The following DACT2 variants were observed in gnomAD, a reference collection of about 807,000 sequenced individuals.
The protein encoded by DACT2 is dapper homolog 2.
DACT2 carries 20 observed loss-of-function variants against 22.2 expected under a neutral mutation model. The ratio of observed to expected loss-of-function variants is 0.90; its 90% CI spans 0.63 to 1.31. The LOEUF (loss-of-function observed/expected upper bound fraction) is 1.31. Among genes scored for constraint, DACT2 ranks in the 50% most tolerant of loss-of-function variants. The pLI is 0.00. For synonymous variants in DACT2, 463 were observed against 479.8 expected, an observed-to-expected ratio of 0.96 and a Z score of 0.46; for missense variants, 1,048 against 1,061.4, an observed-to-expected ratio of 0.99 and a Z score of 0.18.
intron 3 of DACT2, chr6:168,297,922 C>A (rs1779035056): frequency 1.3e-5 from 2 of 152,208 alleles, no homozygotes; most frequent in Non-Finnish European, 2.9e-5. Flanking sequence ...CGTGTCCCAG[C>A]CCCTGGTGAG....
rs1278280445 is a variant in DACT2 at position 168,308,411 on chromosome 6, G to A, written c.1346C>T (p.Thr449Ile). 6.4e-7 allele frequency: 1 copy of A among 1,551,824 alleles called. No individual in the cohort carries two copies. Among genetic ancestry groups the A allele is most frequent in the Non-Finnish European group, 8.7e-7 (1 of 1,147,016 alleles). The change falls in exon 4 of 4, where the codon ACA becomes ATA. Residue 449 changes from threonine to isoleucine, a missense_variant. Coordinates refer to ENST00000366795, the MANE Select transcript of DACT2 (RefSeq NM_214462.5). ...QASPSSKAQQ[T>I]PSAQDYGRGN... The stretch of plus-strand genomic sequence containing the variant: ...TCGTCCATAGTCCTGAGCTGAGGGT[G>A]TCTGCTGGGCCTTTGAGCTGGGAGA...
downstream of DACT2, among the ~76,000 whole-genome samples, chr6:168,306,753 G>GCTTT (rs1253091104): frequency 6.6e-6 from 1 of 152,080 alleles, no homozygotes; most frequent in African/African-American, 2.4e-5. Context: ...CCCGGCCTAT[G>GCTTT]CTTTACTTTT....
Position 168,294,678 on chromosome 6 carries a change from C to G in DACT2, c.685G>C (p.Asp229His), listed in dbSNP as rs1285276972. 2.0e-6 allele frequency: 3 copies of G among 1,489,510 alleles called. No individual in the cohort carries two copies. The South Asian group carries it at 3.9e-5, about 19-fold the overall frequency. 92.3% of individuals were successfully genotyped at this position (1,489,510 alleles called of 1,614,324 possible). Residue 229 changes from aspartate (D) to histidine (H), a missense_variant, in exon 4 of 6, where the codon GAC (aspartate) becomes CAC (histidine). Asp to His is a moderately conservative substitution (Grantham distance 81). Coordinates refer to the DACT2 transcript ENST00000366796. ...CAGCCTGCAGGCGGAGCATGCATGTCAAGTTCACCTGGAGCATTGCACAGC... is the reference window on the plus strand; with the variant it reads ...CAGCCTGCAGGCGGAGCATGCATGTGAAGTTCACCTGGAGCATTGCACAGC...
At position 168,307,264 on chromosome 6, in the gene DACT2, C is replaced by T. The variant is rs1035154687; in HGVS notation, c.*168G>A. 3.4e-5 allele frequency: 48 copies of T among 1,410,298 alleles called. No individual in the cohort carries two copies. The Admixed American group carries it at 5.6e-4, about 16-fold the overall frequency. The allele number at this position is 1,410,298 out of a possible 1,614,324, so 87.4% of individuals were successfully genotyped here. On this transcript the variant is annotated 3_prime_UTR_variant, in exon 4 of 4. Transcript: ENST00000366795. This position sits in a 1 kb window ranked among gnomAD's most constrained non-coding sequence, Gnocchi z 5.3. ...AAGTCTTTGCTGGGGCGGGGACTCA[C>T]GGCCATACTCCACAGGGCAGAACCC...
Position 168,308,584 on chromosome 6 carries a change from C to G in DACT2, c.1173G>C (p.Gly391=). The part of the protein sequence containing the change: ...VFAPGREDEG[G]PAQSRGAGRG... ...TGCCGGCACCCCTGCTCTGAGCTGG[C>G]CCTCCCTCGTCCTCCCTCCCTGGGG... The change falls in exon 4 of 4, where the codon GGG becomes GGC. Residue 391 remains glycine, a synonymous_variant. Coordinates refer to ENST00000366795, the MANE Select transcript of DACT2 (RefSeq NM_214462.5). 1 of 1,536,688 alleles carries G rather than the reference C, an allele frequency of 6.5e-7. No individual in the cohort carries two copies. The highest frequency in any genetic ancestry group is 2.0e-5 in the Admixed American group (1 of 50,638).
intron 3 of DACT2, among the ~76,000 whole-genome samples, chr6:168,301,395 A>G (rs1057115214): frequency 6.6e-6 from 1 of 152,200 alleles, no homozygotes; most frequent in Non-Finnish European, 1.5e-5. Flanking sequence ...CAGAACTCTG[A>G]CCCACACCTG....
intron 1 of DACT2, among the ~76,000 whole-genome samples, chr6:168,315,889 G>A (rs1279362142): frequency 2.0e-5 from 3 of 152,156 alleles, no homozygotes; most frequent in Non-Finnish European, 4.4e-5. Flanking sequence ...CAGCAAGCAA[G>A]GCTGTTCATT....
downstream of DACT2, chr6:168,306,887 A>T: frequency 6.1e-6 from 6 of 989,094 alleles, no homozygotes; most frequent in Non-Finnish European, 7.2e-6. Flanking sequence ...CCACACAAGG[A>T]ATCAGGGAGG....
In DACT2 at chr6:168,308,990, G is replaced by A. The variant is rs557143737; in HGVS notation, c.767C>T (p.Pro256Leu). Residue 256 changes from proline to leucine, a missense_variant, in exon 4 of 4, where the codon CCG becomes CTG. By Grantham distance (98) the Pro-to-Leu change is moderately conservative. Coordinates refer to ENST00000366795, the MANE Select transcript of DACT2 (RefSeq NM_214462.5). ...CQGVDIPLHV[P>L]DPKYRQDLVS... is the part of the protein sequence containing the mutation. ...CAGGTCCTGCCGATACTTGGGGTCC[G>A]GCACGTGCAGCGGGATATCCACCCC... is the stretch of plus-strand genomic sequence containing the variant. 43 of 1,549,182 alleles carry A rather than the reference G, an allele frequency of 2.8e-5. 2 individuals are homozygous for A. The South Asian group carries it at 3.9e-4, about 14-fold the overall frequency.
chr6:168,309,418 C>CCTGTAGACACAGG (rs1779334262), intron 3 of DACT2, among the ~76,000 whole-genome samples: 1 of 151,486 alleles, frequency 6.6e-6, no homozygotes. Flanking sequence ...GGGCCGTTTG[C>CCTGTAGACACAGG]GTGTAGACAC....
At chr6:168,299,697 A>T (rs527579267) in intron 3 of DACT2, 4 of 152,262 alleles carry the variant, frequency 2.6e-5, no homozygotes, top group Non-Finnish European at 5.9e-5. Context: ...GAACTCAGCG[A>T]ACCGAGTCCC....
chr6:168,319,449 T>G lies in DACT2; in HGVS notation c.185A>C (p.His62Pro). The change falls in exon 1 of 4, where the codon CAC (histidine) becomes CCC (proline). Residue 62 changes from histidine (H) to proline (P), a missense_variant. Transcript: ENST00000366795. ...PPAPAAPCGP[H>P]GLHGPEQQLE... ...CTGCTGCTCGGGGCCGTGGAGGCCG[T>G]GGGGGCCGCAGGGCGCGGCGGGCGC... is the stretch of plus-strand genomic sequence containing the variant. 3.3e-6 allele frequency: 4 copies of G among 1,204,846 alleles called. No homozygotes were observed. The highest frequency in any genetic ancestry group is 4.1e-6 in the Non-Finnish European group (4 of 971,632). The allele number at this position is 1,204,846 out of a possible 1,614,324, so 74.6% of individuals were successfully genotyped here.
chr6:168,300,058 C>G (rs185987290), intron 3 of DACT2: 1 of 152,242 alleles, frequency 6.6e-6, no homozygotes. Context: ...GAGTGTCTTC[C>G]GGGCAGACTT....
chr6:168,311,540 C>A (rs1311266385), intron 1 of DACT2, among the ~76,000 whole-genome samples: 17 of 42,178 alleles, frequency 4.0e-4, no homozygotes, highest in East Asian at 2.3e-3. Context: ...ACACACCCAT[C>A]CACACACACA....
intron 1 of DACT2, among the ~76,000 whole-genome samples, chr6:168,314,864 C>T (rs1257311330): frequency 6.6e-6 from 1 of 152,186 alleles, no homozygotes; most frequent in Non-Finnish European, 1.5e-5. Context: ...GGAGGTCTGT[C>T]AATCAACAGC....
At chr6:168,312,825 T>A (rs1779453960) in intron 1 of DACT2, among the ~76,000 whole-genome samples, 1 of 152,134 alleles carries the variant, frequency 6.6e-6, no homozygotes, top group South Asian at 2.1e-4. Context: ...ATATGAGAAA[T>A]CATTACAAGA....
chr6:168,296,058 G>T (rs1425980023), intron 3 of DACT2, among the ~76,000 whole-genome samples: 2 of 138,914 alleles, frequency 1.4e-5, no homozygotes, highest in African/African-American at 2.9e-5. Context: ...CATCCACAGC[G>T]GTGAGGAGAT....
rs763720009 is a variant in DACT2, at chr6:168,308,533, G to A, written c.1224C>T (p.Tyr408=). 6.5e-7 allele frequency: 1 copy of A among 1,550,098 alleles called. No homozygotes were observed. Among genetic ancestry groups the A allele is most frequent in the South Asian group, 1.2e-5 (1 of 83,960 alleles). The change falls in exon 4 of 4, where the codon TAC becomes TAT. Residue 408 remains tyrosine, a synonymous_variant. Transcript: ENST00000366795. ...ACTGCTGGGGACCCTCAAGGGGCAT[G>A]TATCCCTGCTGCTGGGGCCCGCCCC... The part of the protein sequence containing the change: ...AGRGGPQQQG[Y]MPLEGPQQSG...
intron 1 of DACT2, among the ~76,000 whole-genome samples, chr6:168,318,097 A>G (rs908180986): frequency 7.0e-6 from 1 of 143,112 alleles, no homozygotes; most frequent in Non-Finnish European, 1.5e-5. Flanking sequence ...TTCCCATCAC[A>G]TATGTGTAAC....
Sources: gnomAD v4.1 joint callset for allele counts (sites outside exome capture counted in the v4.1 genomes callset) on GRCh38, gnomAD v4.1.1 for gene constraint, Gnocchi (gnomAD v3.1) non-coding constraint, MANE v1.5 for transcripts, NCBI Gene and HGNC (gene_info 2026-07-23, HGNC 2026-07-21) for gene names.